Variants in IMMP1L observed in about 807,000 individuals in gnomAD.
IMMP1L encodes mitochondrial inner membrane protease subunit 1.
In IMMP1L, 24 loss-of-function variants were observed where a neutral mutation model predicts 21.8. The ratio of observed to expected loss-of-function variants is 1.10; its 90% CI spans 0.80 to 1.55. The LOEUF (loss-of-function observed/expected upper bound fraction) is 1.55. Ranked by LOEUF, IMMP1L falls within the 40% of genes most tolerant of loss-of-function variation. The probability of loss-of-function intolerance (pLI) is 0.00; values close to 1 mark genes in which losing one functional copy is unlikely to be tolerated. For synonymous variants in IMMP1L, 46 were observed against 62.8 expected (o/e 0.73, Z 1.26); for missense variants, 195 against 200.7 (o/e 0.97, Z 0.17).
At chr11:31,466,323 C>T (rs1954345361) in intron 1 of IMMP1L, among the ~76,000 whole-genome samples, 1 of 152,000 alleles carries the variant, frequency 6.6e-6, no homozygotes, top group Non-Finnish European at 1.5e-5. Flanking sequence ...TAAATTAGTA[C>T]AGTCATGGAA....
intron 4 of IMMP1L, among the ~76,000 whole-genome samples, chr11:31,433,988 C>T (rs981542318): frequency 1.3e-5 from 2 of 152,116 alleles, no homozygotes; most frequent in Admixed American, 1.3e-4. Flanking sequence ...GGGGCCAATA[C>T]CAAAGCCAAA....
chr11:31,435,462 T>G (rs1011008905), intron 4 of IMMP1L, among the ~76,000 whole-genome samples: 1 of 152,236 alleles, frequency 6.6e-6, no homozygotes, highest in African/African-American at 2.4e-5. Context: ...GATTTGACTT[T>G]TATTGCATTT....
At chr11:31,491,688 C>T (rs892802931) in intron 1 of IMMP1L, among the ~76,000 whole-genome samples, 3 of 152,214 alleles carry the variant, frequency 2.0e-5, no homozygotes, top group African/African-American at 7.2e-5. Context: ...GATGCTAAAA[C>T]ATGCTCTGGA....
intron 4 of IMMP1L, among the ~76,000 whole-genome samples, chr11:31,447,122 A>T (rs1046312839): frequency 5.3e-5 from 8 of 152,230 alleles, no homozygotes; most frequent in African/African-American, 1.9e-4. Flanking sequence ...GCCCTCAAGT[A>T]AGTGCTCAGT....
intron 1 of IMMP1L, among the ~76,000 whole-genome samples, chr11:31,475,432 C>T (rs893975536): frequency 2.6e-5 from 4 of 152,260 alleles, no homozygotes; most frequent in South Asian, 2.1e-4. Flanking sequence ...AGTTCATGAA[C>T]GGCTTTTAGA....
In IMMP1L at chr11:31,509,598, C is replaced by T; in HGVS notation, c.-109G>A. The T allele has an allele frequency of 4.7e-6, 3 of 637,318 alleles. No homozygotes were observed. The highest frequency in any genetic ancestry group is 2.9e-5 in the Admixed American group (1 of 34,510). 39.5% of individuals were successfully genotyped at this position (637,318 alleles called of 1,614,324 possible). ...TCACCTGGGCCCCGCCGAAGTCGAC[C>T]GTCCTTTCGTAGGGCGCACTTTTCA... is the stretch of plus-strand genomic sequence containing the variant. On this transcript the variant is annotated 5_prime_UTR_variant, in exon 1 of 6. Coordinates refer to ENST00000532287, the MANE Select transcript of IMMP1L (RefSeq NM_001304274.2).
intron 1 of IMMP1L, among the ~76,000 whole-genome samples, chr11:31,468,198 A>G (rs1954426902): frequency 6.6e-6 from 1 of 152,176 alleles, no homozygotes. Context: ...GTAAATCTGA[A>G]TATTGTACAT....
At chr11:31,484,067 C>T (rs1422102748) in intron 1 of IMMP1L, among the ~76,000 whole-genome samples, 2 of 151,824 alleles carry the variant, frequency 1.3e-5, no homozygotes, top group Non-Finnish European at 2.9e-5. Context: ...TACTATCTGT[C>T]AGGCTCTAGG....
intron 1 of IMMP1L, among the ~76,000 whole-genome samples, chr11:31,487,254 T>A (rs1290257341): frequency 6.6e-6 from 1 of 152,042 alleles, no homozygotes; most frequent in Non-Finnish European, 1.5e-5. Context: ...CAATCCTAAT[T>A]AAAAGTAGAT....
At chr11:31,497,000 TATA>T (rs1955464436) in intron 1 of IMMP1L, among the ~76,000 whole-genome samples, 1 of 147,680 alleles carries the variant, frequency 6.8e-6, no homozygotes, top group African/African-American at 2.5e-5. Flanking sequence ...TATCATATAC[TATA>T]ATCTTATATA....
intron 4 of IMMP1L, among the ~76,000 whole-genome samples, chr11:31,439,282 T>TC (rs941684605): frequency 6.6e-6 from 1 of 152,228 alleles, no homozygotes; most frequent in East Asian, 1.9e-4. Context: ...CATTTTTTTT[T>TC]CTTCCAGACT....
rs189218861 is a variant in IMMP1L, at chr11:31,437,452, C to T, written c.322-3882G>A. ...TCAGATTTGGGAGCATATTGGATTTCGCATATTCAGATTAGGGATGCTCAA... is the reference window on the plus strand; with the variant it reads ...TCAGATTTGGGAGCATATTGGATTTTGCATATTCAGATTAGGGATGCTCAA... On this transcript the variant is annotated intron_variant, in intron 4 of 5. Transcript: ENST00000532287. Among the ~76,000 whole-genome samples, 179 of 152,208 alleles carry T rather than the reference C, an allele frequency of 1.2e-3. 1 individual carries two copies. The highest frequency in any genetic ancestry group is 5.2e-3 in the Admixed American group (80 of 15,268).
In IMMP1L at chr11:31,487,419, A is replaced by G. The variant is rs1289881368; in HGVS notation, c.-30+22100T>C. Among the ~76,000 whole-genome samples the G allele has an allele frequency of 4.6e-5, 7 of 152,094 alleles. No individual in the cohort carries two copies. The East Asian group carries it at 1.2e-3, about 25-fold the overall frequency. ...ATAATTTGAGGCATGCTGCATTTCA[A>G]AAAATACAATAGCTTAGCCCTAAGG... On this transcript the variant is annotated intron_variant, in intron 1 of 5. Transcript: ENST00000532287.
At chr11:31,449,114 T>G in intron 4 of IMMP1L, 1 of 982,662 alleles carries the variant, frequency 1.0e-6, no homozygotes, top group South Asian at 4.7e-5. Context: ...AGTCGCTTGT[T>G]TAGATACTCT....
chr11:31,485,577 G>A (rs527313204), intron 1 of IMMP1L, among the ~76,000 whole-genome samples: 1 of 151,840 alleles, frequency 6.6e-6, no homozygotes, highest in Non-Finnish European at 1.5e-5. Flanking sequence ...TACTCTTATA[G>A]TCAGCAGATG....
In IMMP1L at chr11:31,480,772, G is replaced by A. The variant is rs144169483; in HGVS notation, c.-29-17467C>T. 7.1e-3 allele frequency among the ~76,000 whole-genome samples: 1,085 copies of A among 151,852 alleles called. 12 individuals carry two copies. Among genetic ancestry groups the A allele is most frequent in the African/African-American group, 0.025 (1,042 of 41,410 alleles). ...ACATTACACATACACACACACAAAAGCAAAATAATAATAATAACAAAAAAA... is the reference window on the plus strand; with the variant it reads ...ACATTACACATACACACACACAAAAACAAAATAATAATAATAACAAAAAAA... On this transcript the variant is annotated intron_variant, in intron 1 of 5. Transcript: ENST00000532287.
chr11:31,500,406 A>T (rs1036229152), intron 1 of IMMP1L, among the ~76,000 whole-genome samples: 19 of 152,184 alleles, frequency 1.2e-4, no homozygotes, highest in Admixed American at 7.9e-4. Context: ...GTAAAACAAG[A>T]GATATAGAAT....
At chr11:31,452,553 C>T in intron 4 of IMMP1L, 5 of 985,426 alleles carry the variant, frequency 5.1e-6, no homozygotes, top group Non-Finnish European at 4.8e-6. Context: ...CTTCAAGCAG[C>T]AAACTGAGGA....
In IMMP1L at chr11:31,471,400, T is replaced by A. The variant is rs1385291127; in HGVS notation, c.-29-8095A>T. Among the ~76,000 whole-genome samples, 5 of 152,282 alleles carry A rather than the reference T, an allele frequency of 3.3e-5. No individual in the cohort carries two copies. The East Asian group carries it at 9.6e-4, about 29-fold the overall frequency. On this transcript the variant is annotated intron_variant, in intron 1 of 5. Coordinates refer to ENST00000532287, the MANE Select transcript of IMMP1L (RefSeq NM_001304274.2). ...AGGTATGTCATGTATCCAGGACCTG[T>A]AAGTAATAAAACCATTATTTCTATC...
Sources: gnomAD v4.1 joint callset for allele counts (sites outside exome capture counted in the v4.1 genomes callset) on GRCh38, gnomAD v4.1.1 for gene constraint, MANE v1.5 for transcripts, NCBI Gene and HGNC (gene_info 2026-07-23, HGNC 2026-07-21) for gene names.